GRID2: variants seen among roughly 807,000 people sequenced by gnomAD.
GRID2 encodes the protein glutamate receptor ionotropic, delta-2.
GRID2 carries 33 observed loss-of-function variants against 114.8 expected under a neutral mutation model. The observed-to-expected ratio is 0.29, with a 90% CI of 0.22 to 0.38. The LOEUF is 0.38. GRID2 is among the 10% of genes least tolerant of loss of function. GRID2 has a pLI of 1.00. For missense variants in GRID2, 1,184 were observed against 1,257.7 expected, an observed-to-expected ratio of 0.94 and a Z score of 0.89; for synonymous variants, 505 against 449.9, an observed-to-expected ratio of 1.12 and a Z score of -1.55.
chr4:92,410,206 G>T (rs1472947810), intron 1 of GRID2, among the ~76,000 whole-genome samples: 1 of 152,122 alleles, frequency 6.6e-6, no homozygotes, highest in Non-Finnish European at 1.5e-5. Flanking sequence ...ACTTCTTTGT[G>T]TAGTGGGGCA....
chr4:92,801,730 CACAA>C (rs543543052), intron 2 of GRID2, among the ~76,000 whole-genome samples: 2 of 151,894 alleles, frequency 1.3e-5, no homozygotes, highest in Admixed American at 6.6e-5. Flanking sequence ...TATAGGCTAA[CACAA>C]ACAGTGCAAT....
intron 8 of GRID2, among the ~76,000 whole-genome samples, chr4:93,299,521 A>G (rs1464170830): frequency 8.1e-6 from 1 of 124,158 alleles, no homozygotes; most frequent in Non-Finnish European, 1.6e-5. Flanking sequence ...GGACACAGGA[A>G]GGGGAACATC....
chr4:93,308,484 A>G (rs1391393152), intron 8 of GRID2, among the ~76,000 whole-genome samples: 1 of 152,176 alleles, frequency 6.6e-6, no homozygotes, highest in Admixed American at 6.5e-5. Context: ...TCCTTGTTAC[A>G]CAAATTGTAA....
intron 2 of GRID2, among the ~76,000 whole-genome samples, chr4:92,991,427 G>A (rs1754897727): frequency 6.6e-6 from 1 of 152,148 alleles, no homozygotes; most frequent in African/African-American, 2.4e-5. Flanking sequence ...TAAATGTGGT[G>A]TAAATGAGAT....
At chr4:93,027,555 A>G (rs1723997101) in intron 2 of GRID2, among the ~76,000 whole-genome samples, 1 of 152,138 alleles carries the variant, frequency 6.6e-6, no homozygotes, top group Non-Finnish European at 1.5e-5. Context: ...GCATTTTCAC[A>G]GTGAGAATAT....
At chr4:93,241,997 A>T (rs1313743986) in intron 8 of GRID2, among the ~76,000 whole-genome samples, 4 of 151,772 alleles carry the variant, frequency 2.6e-5, no homozygotes, top group Non-Finnish European at 2.9e-5. Context: ...AAAAGAGAGG[A>T]TTGGATCAAG....
chr4:93,652,373 G>A (rs982033123), intron 14 of GRID2, among the ~76,000 whole-genome samples: 14 of 152,080 alleles, frequency 9.2e-5, no homozygotes, highest in African/African-American at 2.9e-4. Flanking sequence ...ACATAATGAC[G>A]TTTTGGTCGA....
rs948495858 is a variant in GRID2, at chr4:92,959,835, C to T, written c.245-125160C>T. ...CACATGGACACAGGGAGGGGAACATCTCACACTGGGGCCTATTGGGGGATA... is the reference window on the plus strand; with the variant it reads ...CACATGGACACAGGGAGGGGAACATTTCACACTGGGGCCTATTGGGGGATA... On this transcript the variant is annotated intron_variant, in intron 2 of 15. Transcript: ENST00000282020. Among the ~76,000 whole-genome samples, 8 of 151,906 alleles carry T rather than the reference C, an allele frequency of 5.3e-5. No homozygotes were observed. The South Asian group carries it at 1.7e-3, about 31-fold the overall frequency.
At chr4:93,367,924 A>C (rs35576953) in intron 8 of GRID2, among the ~76,000 whole-genome samples, 4 of 152,114 alleles carry the variant, frequency 2.6e-5, no homozygotes, top group Non-Finnish European at 5.9e-5. Context: ...TAGAGCAGAA[A>C]ATTTATCAGG....
intron 8 of GRID2, among the ~76,000 whole-genome samples, chr4:93,283,203 G>C (rs1752824928): frequency 1.3e-5 from 2 of 152,020 alleles, no homozygotes; most frequent in South Asian, 2.1e-4. Context: ...TGTGTTCACA[G>C]TATATGAGAA....
chr4:92,410,501 T>C (rs1325351716), intron 1 of GRID2, among the ~76,000 whole-genome samples: 1 of 152,166 alleles, frequency 6.6e-6, no homozygotes, highest in African/African-American at 2.4e-5. Context: ...CAAGATAAGA[T>C]TGAACAATTT....
chr4:93,632,737 T>A (rs910622457), intron 14 of GRID2, among the ~76,000 whole-genome samples: 1 of 152,216 alleles, frequency 6.6e-6, no homozygotes, highest in African/African-American at 2.4e-5. Flanking sequence ...CAAGTCGTTT[T>A]TTCCAATTCT....
intron 1 of GRID2, among the ~76,000 whole-genome samples, chr4:92,540,679 T>G (rs2149162151): frequency 6.6e-6 from 1 of 152,280 alleles, no homozygotes; most frequent in Admixed American, 6.5e-5. Flanking sequence ...ATAGGAACAC[T>G]TCTACACTGT....
chr4:93,060,650 A>T (rs1727697550), intron 2 of GRID2, among the ~76,000 whole-genome samples: 2 of 152,160 alleles, frequency 1.3e-5, no homozygotes, highest in Admixed American at 6.6e-5. Flanking sequence ...ACAATATGTG[A>T]CTTTTCAACA....
At chr4:93,407,723 T>TCTCCTCCTCCTCCTCCTCCTC (rs1190711082) in intron 9 of GRID2, among the ~76,000 whole-genome samples, 9 of 64,242 alleles carry the variant, frequency 1.4e-4, no homozygotes, top group East Asian at 4.2e-4. Flanking sequence ...TCCTCCTCCT[T>TCTCCTCCTCCTCCTCCTCCTC]CTCCTCCTCC....
chr4:93,721,686 C>A (rs1484171735), intron 14 of GRID2, among the ~76,000 whole-genome samples: 1 of 152,026 alleles, frequency 6.6e-6, no homozygotes, highest in African/African-American at 2.4e-5. Flanking sequence ...CATAAAAATG[C>A]AATAAAAGTT....
rs180867053 is a variant in GRID2, at chr4:92,939,915, A to C, written c.245-145080A>C. Among the ~76,000 whole-genome samples, 806 of 146,552 alleles carry C rather than the reference A, an allele frequency of 5.5e-3. 23 individuals are homozygous for C. The highest frequency in any genetic ancestry group is 0.019 in the African/African-American group (768 of 41,204). ...ATTTCTGAGGGCTCTCTTCTGTTCC[A>C]TTGGTGTATATCTCTGTTTTGGTAC... On this transcript the variant is annotated intron_variant, in intron 2 of 15. Coordinates refer to ENST00000282020, the MANE Select transcript of GRID2 (RefSeq NM_001510.4).
chr4:93,638,319 TAA>T (rs1420247257), intron 14 of GRID2, among the ~76,000 whole-genome samples: 42 of 41,192 alleles, frequency 1.0e-3, no homozygotes, highest in Non-Finnish European at 1.4e-3. Context: ...TTTTTTTTTT[TAA>T]TTATACTCTA....
intron 2 of GRID2, among the ~76,000 whole-genome samples, chr4:93,059,507 A>G (rs1258063866): frequency 6.6e-6 from 1 of 152,110 alleles, no homozygotes; most frequent in African/African-American, 2.4e-5. Flanking sequence ...GATATTGTCA[A>G]GTGTCACCTG....
Sources: allele counts gnomAD v4.1 joint callset (sites outside exome capture counted in the v4.1 genomes callset), GRCh38; gene constraint gnomAD v4.1.1; transcripts MANE v1.5; gene names NCBI Gene and HGNC (gene_info 2026-07-23, HGNC 2026-07-21).